Variants in TPRA1 observed in about 807,000 individuals in gnomAD.
TPRA1 encodes transmembrane protein adipocyte-associated 1.
A neutral mutation model predicts 40.1 loss-of-function variants in TPRA1; 28 were observed. The ratio of observed to expected loss-of-function variants is 0.70; its 90% CI spans 0.52 to 0.96. The LOEUF (loss-of-function observed/expected upper bound fraction) is 0.96, where lower values mean the gene tolerates loss of function less well. TPRA1 is among the 40% of genes least tolerant of loss of function. The pLI is 0.00. For missense variants in TPRA1, 441 were observed against 482.6 expected (o/e 0.91, Z 0.81); for synonymous variants, 219 against 209.7 (o/e 1.04, Z -0.38).
intron 1 of TPRA1, among the ~76,000 whole-genome samples, chr3:127,589,562 C>A (rs2074104228): frequency 6.6e-6 from 1 of 152,066 alleles, no homozygotes; most frequent in African/African-American, 2.4e-5. Flanking sequence ...CCGGAGACCC[C>A]AGTAAGATGG....
At chr3:127,596,779 TC>T (rs1031136179) in intron 1 of TPRA1, among the ~76,000 whole-genome samples, 32 of 152,270 alleles carry the variant, frequency 2.1e-4, no homozygotes, top group Admixed American at 2.1e-3. Flanking sequence ...CCTGGTGTCA[TC>T]CTGCATGCCT....
At chr3:127,587,056 A>T (rs954016718) in intron 1 of TPRA1, 3 of 152,204 alleles carry the variant, frequency 2.0e-5, no homozygotes, top group African/African-American at 7.2e-5. Context: ...CAGGGAATGC[A>T]CCTGTGATCT....
At chr3:127,584,671 G>A (rs192055583) in intron 1 of TPRA1, among the ~76,000 whole-genome samples, 1 of 152,006 alleles carries the variant, frequency 6.6e-6, no homozygotes, top group Admixed American at 6.6e-5. Context: ...CTGCAACTGG[G>A]TGTGGCCATG....
chr3:127,592,963 G>A (rs1448415101), upstream of TPRA1, among the ~76,000 whole-genome samples: 10 of 152,236 alleles, frequency 6.6e-5, no homozygotes, highest in Non-Finnish European at 2.9e-5. Context: ...GCCTGAGAAG[G>A]GAGGAGTTAT....
chr3:127,585,076 A>T (rs1576389507), intron 1 of TPRA1, among the ~76,000 whole-genome samples: 2 of 152,334 alleles, frequency 1.3e-5, no homozygotes, highest in South Asian at 4.1e-4. Context: ...GCCTGCATAG[A>T]TAAAAATAAT....
chr3:127,575,171 G>A lies in TPRA1; in HGVS notation c.854+14C>T. ...CCGGCAGCCACGCGGGGGCGCCGGC[G>A]GCCACAGACTCACCCGAAGAAGCCC... On this transcript the variant is annotated intron_variant, in intron 10 of 10. Transcript: ENST00000355552. The A allele has an allele frequency of 6.2e-7, 1 of 1,611,868 alleles. No homozygotes were observed. Among genetic ancestry groups the A allele is most frequent in the Non-Finnish European group, 8.5e-7 (1 of 1,179,514 alleles).
intron 7 of TPRA1, 37 bp from the exon 8 acceptor site, chr3:127,575,846 C>T (rs369433654): frequency 4.4e-4 from 711 of 1,612,284 alleles, no homozygotes; most frequent in Middle Eastern, 1.3e-3. Flanking sequence ...GTGCTGGGGG[C>T]GCCAGCCCAG....
In TPRA1 at chr3:127,576,830, G is replaced by A; in HGVS notation, c.409C>T (p.Leu137=). The A allele has an allele frequency of 1.9e-6, 3 of 1,613,852 alleles. No individual in the cohort carries two copies. The highest frequency in any genetic ancestry group is 2.5e-6 in the Non-Finnish European group (3 of 1,180,012). The part of the protein sequence containing the change: ...AIELSVIILG[L]AFGHLESKSS... ...CCAGCGGTACACACACCAAAGGCCA[G>A]GCCCAGGATGATCACACTCAGCTCG... Residue 137 remains leucine, a synonymous_variant, in exon 5 of 11, where the codon CTG becomes TTG. Transcript: ENST00000355552. This position sits in a 1 kb window ranked among gnomAD's most constrained non-coding sequence, Gnocchi z 4.6.
intron 1 of TPRA1, among the ~76,000 whole-genome samples, chr3:127,596,434 T>A (rs896984302): frequency 1.3e-5 from 2 of 152,176 alleles, no homozygotes; most frequent in East Asian, 3.8e-4. Flanking sequence ...GCAGAGTCTC[T>A]TCAGCTTTCC....
chr3:127,584,478 A>AG (rs2073938788), intron 1 of TPRA1, among the ~76,000 whole-genome samples: 1 of 149,294 alleles, frequency 6.7e-6, no homozygotes, highest in Non-Finnish European at 1.5e-5. Flanking sequence ...AAAAAAAAAA[A>AG]AAGAAGCAAA....
At chr3:127,597,954 C>G (rs965949333) in intron 1 of TPRA1, 1 of 186,926 alleles carries the variant, frequency 5.3e-6, no homozygotes, top group African/African-American at 2.4e-5. Flanking sequence ...ATTACAGGCC[C>G]GTGCCACCAT....
rs1162789256 is a variant in TPRA1 at position 127,576,861 on chromosome 3, C to G, written c.378G>C (p.Leu126=). 1.2e-5 allele frequency: 19 copies of G among 1,613,842 alleles called. No homozygotes were observed. Among genetic ancestry groups the G allele is most frequent in the Non-Finnish European group, 1.6e-5 (19 of 1,180,038 alleles). The change falls in exon 5 of 11, where the codon CTG becomes CTC. Residue 126 remains leucine (L), a synonymous_variant. Transcript: ENST00000355552. This position sits in a 1 kb window ranked among gnomAD's most constrained non-coding sequence, Gnocchi z 4.6. ...ILWEITRFFL[L]AIELSVIILG... ...GGATGATCACACTCAGCTCGATGGC[C>G]AGCAGGAAGAAGCGGGTGATCTCCC...
chr3:127,575,198 G>T lies in TPRA1; in HGVS notation c.841C>A (p.Arg281=). 3.1e-6 allele frequency: 5 copies of T among 1,613,936 alleles called. No homozygotes were observed. The Middle Eastern group carries it at 5.0e-4, about 160-fold the overall frequency. Residue 281 remains arginine, a synonymous_variant, in exon 10 of 11, where the codon CGG becomes AGG. Transcript: ENST00000355552. Reference sequence around the variant, plus strand: ...CCACAGACTCACCCGAAGAAGCCCCGGAGGAAAGCCACGTAGATGAGCGGA... The same window carrying T: ...CCACAGACTCACCCGAAGAAGCCCCTGAGGAAAGCCACGTAGATGAGCGGA... ...FAPLIYVAFL[R]GFFGSEPKIL... is the part of the protein sequence containing the mutation.
At chr3:127,580,670 C>T (rs1199652393) in intron 1 of TPRA1, among the ~76,000 whole-genome samples, 1 of 152,272 alleles carries the variant, frequency 6.6e-6, no homozygotes, top group African/African-American at 2.4e-5. Flanking sequence ...TGACCTGCCA[C>T]ACCATGCAGA....
intron 8 of TPRA1, 32 bp downstream of exon 8, chr3:127,575,717 G>A (rs1436617710): frequency 1.9e-6 from 3 of 1,611,010 alleles, no homozygotes; most frequent in African/African-American, 1.3e-5. Flanking sequence ...TCCCATCCCC[G>A]CCTGTCCCAG....
At chr3:127,595,554 C>T (rs998730532), upstream of TPRA1, 8 of 152,304 alleles carry the variant, frequency 5.3e-5, no homozygotes, top group African/African-American at 1.4e-4. Flanking sequence ...ATCAGATGAC[C>T]TCTGGGCAGC....
At chr3:127,597,691 A>G (rs2074259253) in intron 1 of TPRA1, among the ~76,000 whole-genome samples, 1 of 152,208 alleles carries the variant, frequency 6.6e-6, no homozygotes, top group Non-Finnish European at 1.5e-5. Context: ...GACCTCCTAC[A>G]AAATCCCAGA....
chr3:127,581,505 C>G (rs886946999), intron 1 of TPRA1, among the ~76,000 whole-genome samples: 6 of 152,166 alleles, frequency 3.9e-5, no homozygotes, highest in South Asian at 2.1e-4. Context: ...CTGCCAGCGT[C>G]TGGGTGTCAG....
intron 1 of TPRA1, chr3:127,597,958 C>T: frequency 5.3e-6 from 1 of 187,658 alleles, no homozygotes; most frequent in Non-Finnish European, 1.1e-5. Flanking sequence ...CAGGCCCGTG[C>T]CACCATGCCC....
Sources: allele counts gnomAD v4.1 joint callset (sites outside exome capture counted in the v4.1 genomes callset), GRCh38; gene constraint gnomAD v4.1.1; non-coding constraint Gnocchi (gnomAD v3.1); transcripts MANE v1.5; gene names NCBI Gene and HGNC (gene_info 2026-07-23, HGNC 2026-07-21).